The following CNTLN variants were observed in gnomAD, a reference collection of about 807,000 sequenced individuals.
CNTLN encodes centlein, centrosomal protein.
A neutral mutation model predicts 180.0 loss-of-function variants in CNTLN; 212 were observed. The ratio of observed to expected loss-of-function variants is 1.18; its 90% CI spans 1.05 to 1.32. The LOEUF is 1.32. CNTLN is among the 40% of genes most tolerant of loss of function. CNTLN has a pLI of 0.00. For missense variants in CNTLN, 2,095 were observed against 1,610.9 expected, an observed-to-expected ratio of 1.30 and a Z score of -5.14; for synonymous variants, 722 against 563.1, an observed-to-expected ratio of 1.28 and a Z score of -3.99.
intron 25 of CNTLN, chr9:17,494,850 C>G (rs1394613875): frequency 2.5e-6 from 1 of 397,918 alleles, no homozygotes; most frequent in Non-Finnish European, 4.8e-6. Flanking sequence ...ATGTCTGTTA[C>G]TAGTTTATGT....
At chr9:17,138,411 C>G (rs1486614505) in intron 1 of CNTLN, among the ~76,000 whole-genome samples, 1 of 152,042 alleles carries the variant, frequency 6.6e-6, no homozygotes, top group Non-Finnish European at 1.5e-5. Flanking sequence ...ATCATTAAAG[C>G]TCATCCACTT....
downstream of CNTLN, among the ~76,000 whole-genome samples, chr9:17,506,203 C>G (rs561109156): frequency 2.0e-5 from 3 of 152,026 alleles, no homozygotes; most frequent in East Asian, 5.8e-4. Context: ...TCTTCAGGAC[C>G]TCAGATTTGG....
intron 6 of CNTLN, among the ~76,000 whole-genome samples, chr9:17,295,678 T>G (rs2132754878): frequency 6.6e-6 from 1 of 152,274 alleles, no homozygotes; most frequent in East Asian, 1.9e-4. Flanking sequence ...TGAGGAAAGA[T>G]CTGGACAAAT....
At chr9:17,497,324 A>G (rs777054827) in intron 25 of CNTLN, among the ~76,000 whole-genome samples, 9 of 152,188 alleles carry the variant, frequency 5.9e-5, no homozygotes, top group South Asian at 4.1e-4. Flanking sequence ...CACAGGAACC[A>G]GACAAGAAGC....
At chr9:17,499,185 T>A (rs1246283629) in intron 25 of CNTLN, among the ~76,000 whole-genome samples, 1 of 152,182 alleles carries the variant, frequency 6.6e-6, no homozygotes. Context: ...GTCCTAACTC[T>A]AACCAACCTA....
chr9:17,321,983 T>C (rs2133045228), intron 8 of CNTLN, among the ~76,000 whole-genome samples: 1 of 152,264 alleles, frequency 6.6e-6, no homozygotes, highest in South Asian at 2.1e-4. Context: ...ATCATCGTAT[T>C]TTTATACTTA....
chr9:17,196,780 C>T (rs1353322282), intron 2 of CNTLN, among the ~76,000 whole-genome samples: 4 of 151,850 alleles, frequency 2.6e-5, no homozygotes, highest in African/African-American at 2.4e-5. Context: ...GATTTGGATA[C>T]AGGCATACAA....
intron 6 of CNTLN, among the ~76,000 whole-genome samples, chr9:17,297,652 C>T (rs1010106236): frequency 6.6e-6 from 1 of 152,142 alleles, no homozygotes; most frequent in Non-Finnish European, 1.5e-5. Context: ...CTCATCAGTT[C>T]CTTCAAGCTG....
At chr9:17,371,664 T>C (rs1824328423) in intron 13 of CNTLN, among the ~76,000 whole-genome samples, 1 of 152,142 alleles carries the variant, frequency 6.6e-6, no homozygotes, top group Non-Finnish European at 1.5e-5. Context: ...AGAATACACA[T>C]TCTTCTCCCC....
chr9:17,252,761 T>C (rs1373058665), intron 5 of CNTLN, among the ~76,000 whole-genome samples: 1 of 151,822 alleles, frequency 6.6e-6, no homozygotes, highest in African/African-American at 2.4e-5. Flanking sequence ...GCAGAAGGTT[T>C]TTATTTAATA....
rs1831721503 is a variant in CNTLN, at chr9:17,465,967, T to C, written c.3532-14T>C. Reference sequence around the variant, plus strand: ...CCTTCAACAATAATAATTACCTTTATGCTTTTAATGTAGGTAAAGACATTA... The same window carrying C: ...CCTTCAACAATAATAATTACCTTTACGCTTTTAATGTAGGTAAAGACATTA... On this transcript the variant is annotated splice_polypyrimidine_tract_variant and intron_variant, in intron 21 of 25. Coordinates refer to ENST00000380647, the MANE Select transcript of CNTLN (RefSeq NM_017738.4). 6.3e-7 allele frequency: 1 copy of C among 1,588,932 alleles called. No homozygotes were observed. Among genetic ancestry groups the C allele is most frequent in the Non-Finnish European group, 8.6e-7 (1 of 1,165,416 alleles).
intron 18 of CNTLN, among the ~76,000 whole-genome samples, chr9:17,436,175 C>G (rs1300638649): frequency 6.6e-6 from 1 of 152,082 alleles, no homozygotes; most frequent in Non-Finnish European, 1.5e-5. Flanking sequence ...CATATTTTCT[C>G]AATATTCATA....
Position 17,342,450 on chromosome 9 carries a change from T to C in CNTLN, c.1886+6T>C. On this transcript the variant is annotated splice_donor_region_variant and intron_variant, in intron 12 of 25. Transcript: ENST00000380647. ...CAGGAGCTAATGATTCAAAAGTGAGTTTCATTTTTAACAATATGGACTTAG... is the reference window on the plus strand; with the variant it reads ...CAGGAGCTAATGATTCAAAAGTGAGCTTCATTTTTAACAATATGGACTTAG... The C allele has an allele frequency of 6.3e-7, 1 of 1,593,888 alleles. No individual in the cohort carries two copies. Among genetic ancestry groups the C allele is most frequent in the Middle Eastern group, 1.7e-4 (1 of 5,926 alleles).
chr9:17,171,981 C>G (rs1820450764), intron 2 of CNTLN, among the ~76,000 whole-genome samples: 1 of 152,096 alleles, frequency 6.6e-6, no homozygotes, highest in Non-Finnish European at 1.5e-5. Flanking sequence ...ACAGGCTAGC[C>G]TGCTGTGTTG....
chr9:17,516,309 G>A, the CNTLN span, among the ~76,000 whole-genome samples: 2 of 152,176 alleles, frequency 1.3e-5, no homozygotes, highest in African/African-American at 2.4e-5. Context: ...GTAACAGTGT[G>A]GGGGAGAAAA....
At chr9:17,420,223 A>G (rs527252856) in intron 18 of CNTLN, among the ~76,000 whole-genome samples, 2 of 152,162 alleles carry the variant, frequency 1.3e-5, no homozygotes, top group South Asian at 4.1e-4. Flanking sequence ...GAGACTTTTT[A>G]TTAGGCTTTG....
the CNTLN span, among the ~76,000 whole-genome samples, chr9:17,519,543 A>C: frequency 1.3e-5 from 2 of 151,830 alleles, no homozygotes; most frequent in African/African-American, 4.8e-5. Flanking sequence ...CTTCAATTCA[A>C]GTATAGATTG....
At chr9:17,164,110 A>G (rs745827772) in intron 2 of CNTLN, among the ~76,000 whole-genome samples, 4 of 151,922 alleles carry the variant, frequency 2.6e-5, no homozygotes, top group Non-Finnish European at 5.9e-5. Flanking sequence ...CCAGGAGTTC[A>G]AGACCAGCCT....
intron 2 of CNTLN, among the ~76,000 whole-genome samples, chr9:17,200,365 G>C (rs925513707): frequency 2.6e-4 from 39 of 152,186 alleles, no homozygotes; most frequent in African/African-American, 9.1e-4. Context: ...TTTCCTAATT[G>C]TGCTAAGAAA....
Sources: gnomAD v4.1 joint callset for allele counts (sites outside exome capture counted in the v4.1 genomes callset) on GRCh38, gnomAD v4.1.1 for gene constraint, MANE v1.5 for transcripts, NCBI Gene and HGNC (gene_info 2026-07-23, HGNC 2026-07-21) for gene names.